NWD2: variants seen among roughly 807,000 people sequenced by gnomAD.
NWD2 encodes the protein NACHT and WD repeat domain containing 2.
In NWD2, 37 loss-of-function variants were observed where a neutral mutation model predicts 132.7. That is an observed-to-expected ratio of 0.28 (90% CI 0.21 to 0.37). The LOEUF (loss-of-function observed/expected upper bound fraction) is 0.37, where lower values mean the gene tolerates loss of function less well. NWD2 is among the 10% of genes least tolerant of loss of function. The pLI is 1.00. For missense variants in NWD2, 1,592 were observed against 2,122.4 expected (o/e 0.75, Z 4.91); for synonymous variants, 705 against 803.0 (o/e 0.88, Z 2.06).
intron 1 of NWD2, among the ~76,000 whole-genome samples, chr4:37,278,365 C>T (rs77702067): frequency 0.028 from 4,325 of 152,142 alleles, 100 homozygotes; most frequent in East Asian, 0.1. Flanking sequence ...ATTATGTCCA[C>T]GAAACATGTC....
At chr4:37,357,285 AT>A (rs1191829108) in intron 3 of NWD2, among the ~76,000 whole-genome samples, 1 of 152,188 alleles carries the variant, frequency 6.6e-6, no homozygotes, top group East Asian at 1.9e-4. Flanking sequence ...ATGAAAAAAA[AT>A]CACACCGTAC....
At chr4:37,421,883 T>G (rs948752479) in intron 3 of NWD2, among the ~76,000 whole-genome samples, 1 of 152,158 alleles carries the variant, frequency 6.6e-6, no homozygotes, top group Non-Finnish European at 1.5e-5. Flanking sequence ...AAGTTTAAGA[T>G]TAGGGTGCCA....
rs1712658791 is a variant in NWD2, at chr4:37,447,101, G to A, written c.5113G>A (p.Val1705Ile). ...CTTTGCAAGAGACAGCCCCATCACA[G>A]TTAGTGACTCTACTGAGTCCAATGA... ...EVFARDSPIT[V>I]SDSTESNEAT... The change falls in exon 7 of 7, where the codon GTT becomes ATT. Residue 1705 changes from valine (V) to isoleucine (I), a missense_variant. Physicochemically the swap from Val to Ile is conservative, Grantham distance 29 (BLOSUM62 3). Coordinates refer to ENST00000309447, the MANE Select transcript of NWD2 (RefSeq NM_001144990.2). 1 of 1,551,580 alleles carries A rather than the reference G, an allele frequency of 6.4e-7. No individual in the cohort carries two copies. The highest frequency in any genetic ancestry group is 8.7e-7 in the Non-Finnish European group (1 of 1,146,990).
At chr4:37,348,952 G>GT (rs1286616767) in intron 2 of NWD2, among the ~76,000 whole-genome samples, 3 of 151,644 alleles carry the variant, frequency 2.0e-5, no homozygotes, top group Non-Finnish European at 4.4e-5. Context: ...CTGTTCCTGT[G>GT]TAAGTTTGCT....
intron 6 of NWD2, among the ~76,000 whole-genome samples, chr4:37,441,326 A>G (rs887566025): frequency 6.6e-6 from 1 of 152,218 alleles, no homozygotes; most frequent in African/African-American, 2.4e-5. Context: ...CAAGTAAGCA[A>G]GATAGTAACA....
At chr4:37,436,360 CT>C (rs2109328153) in intron 5 of NWD2, among the ~76,000 whole-genome samples, 1 of 152,288 alleles carries the variant, frequency 6.6e-6, no homozygotes, top group African/African-American at 2.4e-5. Flanking sequence ...CACTTCGCCT[CT>C]AAAAATAACT....
chr4:37,435,988 G>A (rs1289483822), intron 5 of NWD2, among the ~76,000 whole-genome samples: 4 of 152,132 alleles, frequency 2.6e-5, no homozygotes, highest in African/African-American at 7.2e-5. Context: ...TGTTAAAGGT[G>A]TATTGTTTAT....
intron 1 of NWD2, among the ~76,000 whole-genome samples, chr4:37,322,007 C>A (rs1478868220): frequency 6.6e-6 from 1 of 152,154 alleles, no homozygotes; most frequent in African/African-American, 2.4e-5. Flanking sequence ...CCCGAGATTT[C>A]AGAATCTTGC....
intron 3 of NWD2, among the ~76,000 whole-genome samples, chr4:37,357,900 G>A (rs969692846): frequency 3.3e-5 from 5 of 152,118 alleles, no homozygotes; most frequent in African/African-American, 1.2e-4. Context: ...GAAAGAACCA[G>A]GTGTGGATAT....
rs188241596 is a variant in NWD2, at chr4:37,252,547, G to A, written c.151+7329G>A. The stretch of plus-strand genomic sequence containing the variant: ...AATGATTTCTTTCTCACAGTTCTGT[G>A]GTTGGTATTTTGGGCAAGGCTTGGC... On this transcript the variant is annotated intron_variant, in intron 1 of 6. Transcript: ENST00000309447. Among the ~76,000 whole-genome samples the A allele has an allele frequency of 2.9e-4, 44 of 152,298 alleles. 1 individual carries two copies. Among genetic ancestry groups the A allele is most frequent in the Middle Eastern group, 6.8e-3 (2 of 294 alleles).
chr4:37,339,664 G>A (rs970799839), intron 2 of NWD2, among the ~76,000 whole-genome samples: 11 of 152,184 alleles, frequency 7.2e-5, no homozygotes, highest in African/African-American at 2.7e-4. Context: ...TGAGCACGTG[G>A]CAGCTATTTC....
intron 1 of NWD2, 115 bp downstream of exon 1, chr4:37,245,333 T>C: frequency 8.0e-7 from 1 of 1,255,432 alleles, no homozygotes; most frequent in South Asian, 1.6e-5. Context: ...TTCCTCCAGC[T>C]AAAGCCGTGG....
chr4:37,315,567 C>T (rs572867581), intron 1 of NWD2, among the ~76,000 whole-genome samples: 49 of 152,054 alleles, frequency 3.2e-4, no homozygotes, highest in African/African-American at 1.2e-3. Context: ...CTTTTACTTT[C>T]AACATATTTG....
At chr4:37,311,631 T>C (rs1017838500) in intron 1 of NWD2, among the ~76,000 whole-genome samples, 1 of 148,258 alleles carries the variant, frequency 6.7e-6, no homozygotes, top group Non-Finnish European at 1.5e-5. Flanking sequence ...AGAAGCTCTT[T>C]AGTTTAATTA....
Position 37,268,961 on chromosome 4 carries a change from T to C in NWD2, c.151+23743T>C, listed in dbSNP as rs187713950. ...CATGGAAATAAATTCCCAGGCTTTA[T>C]TTCCAGTAATTGATCAAAGTCCATC... On this transcript the variant is annotated intron_variant, in intron 1 of 6. Coordinates refer to ENST00000309447, the MANE Select transcript of NWD2 (RefSeq NM_001144990.2). Among the ~76,000 whole-genome samples the C allele has an allele frequency of 1.4e-4, 22 of 152,068 alleles. No individual in the cohort carries two copies. The East Asian group carries it at 3.7e-3, about 25-fold the overall frequency.
chr4:37,443,216 G>A lies in NWD2; in HGVS notation c.1297-69G>A, dbSNP rs1712531488. On this transcript the variant is annotated intron_variant, in intron 6 of 6. Transcript: ENST00000309447. The surrounding 1 kb of genome is among the most constrained non-coding windows in gnomAD (Gnocchi z 4.1). ...AGACCAGAAATCTGAGCTCTGGAGA[G>A]AGGCAATGTTATCACATATGACCAT... 7.6e-7 allele frequency: 1 copy of A among 1,323,790 alleles called. No homozygotes were observed. The highest frequency in any genetic ancestry group is 1.0e-6 in the Non-Finnish European group (1 of 971,390). 82.0% of individuals were successfully genotyped at this position (1,323,790 alleles called of 1,614,324 possible). A position where few individuals can be genotyped will look rare whatever the true frequency, so the allele number is the denominator to read the frequency against.
chr4:37,342,025 A>T (rs1047342492), intron 2 of NWD2, among the ~76,000 whole-genome samples: 9 of 152,170 alleles, frequency 5.9e-5, no homozygotes, highest in African/African-American at 2.2e-4. Flanking sequence ...CAGTGACAGG[A>T]ATAGAACCAA....
chr4:37,403,656 TG>T (rs1720941262), intron 3 of NWD2, among the ~76,000 whole-genome samples: 1 of 152,190 alleles, frequency 6.6e-6, no homozygotes, highest in African/African-American at 2.4e-5. Context: ...AAAGCTATAA[TG>T]CATAGATCAT....
Position 37,426,570 on chromosome 4 carries a change from G to C in NWD2, c.358-4002G>C, listed in dbSNP as rs114653236. On this transcript the variant is annotated intron_variant, in intron 3 of 6. Coordinates refer to ENST00000309447, the MANE Select transcript of NWD2 (RefSeq NM_001144990.2). ...AAATTATTATTTTTAAATAGCTCTTGATTTTTGAAATGATCCTCTGTGGTC... is the reference window on the plus strand; with the variant it reads ...AAATTATTATTTTTAAATAGCTCTTCATTTTTGAAATGATCCTCTGTGGTC... 2.6e-3 allele frequency among the ~76,000 whole-genome samples: 396 copies of C among 152,264 alleles called. 4 individuals carry two copies. Among genetic ancestry groups the C allele is most frequent in the African/African-American group, 9.1e-3 (378 of 41,556 alleles).
Sources: allele counts gnomAD v4.1 joint callset (sites outside exome capture counted in the v4.1 genomes callset), GRCh38; gene constraint gnomAD v4.1.1; non-coding constraint Gnocchi (gnomAD v3.1); transcripts MANE v1.5; gene names NCBI Gene and HGNC (gene_info 2026-07-23, HGNC 2026-07-21).